The following TKTL1 variants were observed in gnomAD, a reference collection of about 807,000 sequenced individuals.
TKTL1 encodes transketolase-like protein 1.
A neutral mutation model predicts 39.3 loss-of-function variants in TKTL1; 1 was observed. The ratio of observed to expected loss-of-function variants is 0.03; its 90% CI spans 0.01 to 0.12. TKTL1 has a LOEUF of 0.12. Ranked by LOEUF, TKTL1 falls within the 10% of genes least tolerant of loss-of-function variation. TKTL1 has a pLI of 1.00. For missense variants in TKTL1, 575 were observed against 509.6 expected, an observed-to-expected ratio of 1.13 and a Z score of -1.24; for synonymous variants, 262 against 193.8, an observed-to-expected ratio of 1.35 and a Z score of -2.92.
intron 2 of TKTL1, among the ~76,000 whole-genome samples, chrX:154,306,149 A>C (rs782639066): frequency 1.8e-5 from 2 of 110,689 alleles, no homozygotes; most frequent in Non-Finnish European, 3.8e-5. Flanking sequence ...TCCACTTAAA[A>C]AAAAAAAAAA....
At chrX:154,316,887 A>G (rs1439221373) in intron 7 of TKTL1, among the ~76,000 whole-genome samples, 2 of 108,230 alleles carry the variant, frequency 1.8e-5, no homozygotes, top group African/African-American at 6.8e-5. Context: ...CCCTTGCCTC[A>G]GCCTCGCAGG....
At chrX:154,299,149 CTTTTTTTTTTT>C (rs1180562974) in intron 1 of TKTL1, among the ~76,000 whole-genome samples, 1 of 35,927 alleles carries the variant, frequency 2.8e-5, no homozygotes, top group African/African-American at 1.1e-4. Context: ...CTTTTTCTTT[CTTTTTTTTTTT>C]TTTTTTTTTT....
chrX:154,320,913 G>C lies in TKTL1; in HGVS notation c.1186G>C (p.Gly396Arg). The C allele has an allele frequency of 8.3e-7, 1 of 1,210,771 alleles. No homozygotes were observed. Residue 396 changes from glycine to arginine, a missense_variant and splice_region_variant, in exon 8 of 13, where the codon GGT becomes CGT. By Grantham distance (125) the Gly-to-Arg change is moderately radical (BLOSUM62 -2). Coordinates refer to ENST00000369915, the MANE Select transcript of TKTL1 (RefSeq NM_012253.4). ...IIGSHCGVSV[G>R]DDGASQMALE... is the part of the protein sequence containing the mutation. The stretch of plus-strand genomic sequence containing the variant: ...TGGTTCCCACTGTGGGGTATCTGTT[G>C]GTAAGGGTTCTAAATGCCATCATCT...
chrX:154,300,851 C>T, intron 1 of TKTL1, among the ~76,000 whole-genome samples: 1 of 110,183 alleles, frequency 9.1e-6, no homozygotes, highest in Non-Finnish European at 1.9e-5. Context: ...TGCCACCGCA[C>T]CCGGCAAATT....
chrX:154,315,277 G>A lies in TKTL1; in HGVS notation c.969G>A (p.Glu323=). ...DGDTRYSTFS[E]IFNKEYPERF... ...ACACCAGGTACTCTACTTTCTCTGAGATATTCAACAAGGAGTACCCTGAGC... is the reference window on the plus strand; with the variant it reads ...ACACCAGGTACTCTACTTTCTCTGAAATATTCAACAAGGAGTACCCTGAGC... The change falls in exon 7 of 13, where the codon GAG becomes GAA. Residue 323 remains glutamate, a synonymous_variant. Transcript: ENST00000369915. The A allele has an allele frequency of 8.3e-7, 1 of 1,211,221 alleles. No homozygotes were observed. The highest frequency in any genetic ancestry group is 1.1e-6 in the Non-Finnish European group (1 of 895,185).
chrX:154,304,298 T>A (rs1231960688), intron 1 of TKTL1, among the ~76,000 whole-genome samples: 1 of 111,037 alleles, frequency 9.0e-6, no homozygotes, highest in Non-Finnish European at 1.9e-5. Flanking sequence ...TCCTGGAGAA[T>A]GTGCACGCCA....
At chrX:154,316,070 G>A (rs1249003006) in intron 7 of TKTL1, among the ~76,000 whole-genome samples, 1 of 111,696 alleles carries the variant, frequency 9.0e-6, no homozygotes, top group African/African-American at 3.3e-5. Flanking sequence ...TTTATAACAA[G>A]TAGTATTTTT....
intron 5 of TKTL1, 39 bp from the exon 6 acceptor site, chrX:154,312,541 T>C: frequency 8.5e-7 from 1 of 1,179,876 alleles, no homozygotes; most frequent in South Asian, 1.9e-5. Flanking sequence ...ACTCACTAAA[T>C]ATTTATGGAA....
In TKTL1 at chrX:154,327,747, C is replaced by T. The variant is rs1240263912; in HGVS notation, c.1498+60C>T. 4.2e-6 allele frequency: 5 copies of T among 1,189,341 alleles called. No individual in the cohort carries two copies. In the African/African-American group the frequency reaches 5.3e-5, roughly 13 times the overall value. On this transcript the variant is annotated intron_variant, in intron 11 of 12. Coordinates refer to ENST00000369915, the MANE Select transcript of TKTL1 (RefSeq NM_012253.4). ...CTGGGAAGAGGTAGGACTTCAGCTA[C>T]CTCCTGTGCCCTGAGTGCTCTTTTT...
chrX:154,300,817 C>T (rs1432680209), intron 1 of TKTL1, among the ~76,000 whole-genome samples: 1 of 110,724 alleles, frequency 9.0e-6, no homozygotes, highest in Non-Finnish European at 1.9e-5. Context: ...CTGCCTTACC[C>T]GAGTAGCTGG....
intron 1 of TKTL1, chrX:154,304,778 C>T (rs1557166772): frequency 1.2e-5 from 3 of 244,642 alleles, no homozygotes; most frequent in Admixed American, 5.3e-5. Flanking sequence ...GTCCCCTCCC[C>T]CTTTTTAATT....
At chrX:154,316,876 T>TC (rs2067405167) in intron 7 of TKTL1, among the ~76,000 whole-genome samples, 1 of 109,194 alleles carries the variant, frequency 9.2e-6, no homozygotes, top group African/African-American at 3.3e-5. Flanking sequence ...TTCAAGCGAT[T>TC]CCCTTGCCTC....
Position 154,309,455 on chromosome X carries a change from C to T in TKTL1, c.350+13C>T. 1 of 1,186,310 alleles carries T rather than the reference C, an allele frequency of 8.4e-7. No homozygotes were observed. Among genetic ancestry groups the T allele is most frequent in the East Asian group, 3.0e-5 (1 of 33,685 alleles). The stretch of plus-strand genomic sequence containing the variant: ...TCGACAGGGCCAGGTGAGGTTCTTC[C>T]CCAGAAGCCATTTAACTGCCCTACA... On this transcript the variant is annotated intron_variant, in intron 3 of 12. Coordinates refer to ENST00000369915, the MANE Select transcript of TKTL1 (RefSeq NM_012253.4).
At chrX:154,302,762 C>T (rs1557166232) in intron 1 of TKTL1, among the ~76,000 whole-genome samples, 1 of 111,435 alleles carries the variant, frequency 9.0e-6, no homozygotes, top group African/African-American at 3.3e-5. Flanking sequence ...TTAGGGTGGA[C>T]CCTAAATCCA....
rs1402344144 is a variant in TKTL1, at chrX:154,312,787, T to A, written c.864+14T>A. ...GTTGGTGACAAGGTAGGCAGAAAGGTGGATAATTGAATAAATCAGATACGT... is the reference window on the plus strand; with the variant it reads ...GTTGGTGACAAGGTAGGCAGAAAGGAGGATAATTGAATAAATCAGATACGT... On this transcript the variant is annotated intron_variant, in intron 6 of 12. Transcript: ENST00000369915. 3.4e-6 allele frequency: 4 copies of A among 1,184,666 alleles called. No homozygotes were observed. Among genetic ancestry groups the A allele is most frequent in the Non-Finnish European group, 3.4e-6 (3 of 876,006 alleles).
rs781790337 is a variant in TKTL1, at chrX:154,309,401, A to G, written c.309A>G (p.Ala103=). The part of the protein sequence containing the change: ...TGWLGQGLGV[A]CGMAYTGKYF... Reference sequence around the variant, plus strand: ...GGCTCGGACAAGGACTGGGAGTTGCATGTGGAATGGCATATACTGGCAAGT... The same window carrying G: ...GGCTCGGACAAGGACTGGGAGTTGCGTGTGGAATGGCATATACTGGCAAGT... The change falls in exon 3 of 13, where the codon GCA becomes GCG. Residue 103 remains alanine, a synonymous_variant. Coordinates refer to ENST00000369915, the MANE Select transcript of TKTL1 (RefSeq NM_012253.4). 7 of 1,209,265 alleles carry G rather than the reference A, an allele frequency of 5.8e-6. No homozygotes were observed. The South Asian group carries it at 1.2e-4, about 21-fold the overall frequency.
At chrX:154,322,591 C>T (rs2067460517) in intron 8 of TKTL1, among the ~76,000 whole-genome samples, 1 of 111,246 alleles carries the variant, frequency 9.0e-6, no homozygotes, top group Admixed American at 9.6e-5. Flanking sequence ...AGACAGTGGT[C>T]CTAGGCAAGG....
At chrX:154,308,687 A>G (rs1557167684) in intron 2 of TKTL1, among the ~76,000 whole-genome samples, 1 of 109,912 alleles carries the variant, frequency 9.1e-6, no homozygotes, top group East Asian at 2.9e-4. Context: ...CTTTGGCATG[A>G]CCTTGTGGCC....
In TKTL1 at chrX:154,295,797, C is replaced by T. The variant is rs1331052191; in HGVS notation, c.-63C>T. On this transcript the variant is annotated 5_prime_UTR_variant, in exon 1 of 13. Coordinates refer to ENST00000369915, the MANE Select transcript of TKTL1 (RefSeq NM_012253.4). Reference sequence around the variant, plus strand: ...AACGCACTGGGCAGCTCGCAGGCGCCATTCGCTCTTCAGACGCCGGAGACG... The same window carrying T: ...AACGCACTGGGCAGCTCGCAGGCGCTATTCGCTCTTCAGACGCCGGAGACG... 1.8e-5 allele frequency: 21 copies of T among 1,175,144 alleles called. No individual in the cohort carries two copies. Among genetic ancestry groups the T allele is most frequent in the African/African-American group, 5.3e-5 (3 of 56,249 alleles).
Sources: gnomAD v4.1 joint callset for allele counts (sites outside exome capture counted in the v4.1 genomes callset) on GRCh38, gnomAD v4.1.1 for gene constraint, MANE v1.5 for transcripts, NCBI Gene and HGNC (gene_info 2026-07-23, HGNC 2026-07-21) for gene names.